Variants in TTN observed in about 807,000 individuals in gnomAD.
TTN encodes the protein titin.
In TTN, 1,525 loss-of-function variants were observed where a neutral mutation model predicts 3,223.0. The ratio of observed to expected loss-of-function variants is 0.47; its 90% CI spans 0.45 to 0.49. The LOEUF (loss-of-function observed/expected upper bound fraction) is 0.49, where lower values mean the gene tolerates loss of function less well. Among genes scored for constraint, TTN ranks in the 20% least tolerant of loss-of-function variants. TTN has a pLI of 0.00. For missense variants in TTN, 40,786 were observed against 43,424.0 expected (o/e 0.94, Z 5.40); for synonymous variants, 14,094 against 15,161.0 (o/e 0.93, Z 5.17).
chr2:178,568,460 G>T lies in TTN; in HGVS notation c.77672C>A (p.Pro25891His), dbSNP rs766099071. 4 of 1,613,316 alleles carry T rather than the reference G, an allele frequency of 2.5e-6. No individual in the cohort carries two copies. Among genetic ancestry groups the T allele is most frequent in the Non-Finnish European group, 3.4e-6 (4 of 1,179,566 alleles). The change falls in exon 326 of 363, where the codon CCT (proline) becomes CAT (histidine). Residue 25891 changes from proline (P) to histidine (H), a missense_variant. Physicochemically the swap from Pro to His is moderately conservative, Grantham distance 77 (BLOSUM62 -2). Coordinates refer to ENST00000589042, the MANE Select transcript of TTN (RefSeq NM_001267550.2). The stretch of plus-strand genomic sequence containing the variant: ...TTTAACAGGTCCTTTTGGAGGATCA[G>T]GTTTATCTAGAGTTACAATTTCGAT... ...ASIEIVTLDK[P>H]DPPKGPVKFD...
rs2063103513 is a variant in TTN, at chr2:178,652,111, T to C, written c.39280A>G (p.Ser13094Gly). ...VPEAIPPKPE[S>G]PPPEVFEEPE... is the part of the protein sequence containing the mutation. ...TCATTATTACCTTCAGGGGGAGGAC[T>C]TTCCGGTTTGGGAGGAATAGCTTCA... The change falls in exon 204 of 363, where the codon AGT becomes GGT. Residue 13094 changes from serine (S) to glycine (G), a missense_variant. Transcript: ENST00000589042. 6.2e-7 allele frequency: 1 copy of C among 1,612,860 alleles called. No homozygotes were observed. Among genetic ancestry groups the C allele is most frequent in the African/African-American group, 1.3e-5 (1 of 74,872 alleles).
chr2:178,578,526 G>A (rs569626182), intron 321 of TTN, 85 bp downstream of exon 321: 70 of 1,020,594 alleles, frequency 6.9e-5, no homozygotes, highest in East Asian at 4.4e-4. Context: ...TAATGTTATC[G>A]ATAAGCACAT....
rs1447802224 is a variant in TTN at position 178,609,791 on chromosome 2, C to A, written c.51632G>T (p.Gly17211Val). ...LVPILTYTAKGLEEGKEYQFR... is the reference protein window; with the variant it reads ...LVPILTYTAKVLEEGKEYQFR... ...TTGGTACTCTTTCCCCTCTTCAAGT[C>A]CTTTTGCTGTATAGGTCAGGATTGG... Residue 17211 changes from glycine (G) to valine (V), a missense_variant, in exon 272 of 363, where the codon GGA becomes GTA. Physicochemically the swap from Gly to Val is moderately radical, Grantham distance 109. Transcript: ENST00000589042. 7 of 1,612,770 alleles carry A rather than the reference C, an allele frequency of 4.3e-6. No individual in the cohort carries two copies. The highest frequency in any genetic ancestry group is 2.2e-5 in the East Asian group (1 of 44,812).
At chr2:178,587,029 T>C in intron 307 of TTN, 89 bp downstream of exon 307, 3 of 1,527,208 alleles carry the variant, frequency 2.0e-6, no homozygotes, top group Non-Finnish European at 2.7e-6. Flanking sequence ...TGAAATCTCT[T>C]TCAGAAGTGG....
At chr2:178,782,691 C>A in intron 18 of TTN, 89 bp from the exon 19 acceptor site, 1 of 1,604,150 alleles carries the variant, frequency 6.2e-7, no homozygotes, top group South Asian at 1.1e-5. Context: ...ATAATCTCCC[C>A]CCAAGTTCCA....
At chr2:178,759,830 T>G (rs1308490663) in intron 43 of TTN, among the ~76,000 whole-genome samples, 1 of 152,228 alleles carries the variant, frequency 6.6e-6, no homozygotes, top group Non-Finnish European at 1.5e-5. Flanking sequence ...TTGACTCTTT[T>G]CAGAGTGGCA....
rs562939601 is a variant in TTN at position 178,713,294 on chromosome 2, C to T, written c.26840G>A (p.Cys8947Tyr). 6 of 1,601,642 alleles carry T rather than the reference C, an allele frequency of 3.7e-6. No homozygotes were observed. Among genetic ancestry groups the T allele is most frequent in the East Asian group, 2.2e-5 (1 of 44,466 alleles). The change falls in exon 93 of 363, where the codon TGT becomes TAT. Residue 8947 changes from cysteine to tyrosine, a missense_variant. By Grantham distance (194) the Cys-to-Tyr change is radical. Coordinates refer to ENST00000589042, the MANE Select transcript of TTN (RefSeq NM_001267550.2). The part of the protein sequence containing the change: ...GLSGSSVVME[C>Y]KVYGSPPISV... ...GATTGGAGGTGACCCATAGACTTTA[C>T]ACTCCATTACAACTGAGGAGCCGGA...
intron 208 of TTN, 116 bp from the exon 209 acceptor site, chr2:178,650,950 C>A: frequency 9.1e-7 from 1 of 1,102,624 alleles, no homozygotes; most frequent in East Asian, 2.6e-5. Context: ...GAACAAATTT[C>A]ACAATAAGGT....
At position 178,581,735 on chromosome 2, in the gene TTN, C is replaced by A; in HGVS notation, c.66533G>T (p.Gly22178Val). ...TTRSSVSLSW[G>V]KPAYDGGSPI... Reference sequence around the variant, plus strand: ...GCTGCCGCCGTCATAGGCTGGCTTGCCCCAAGATAGACTCACAGAGCTGCG... The same window carrying A: ...GCTGCCGCCGTCATAGGCTGGCTTGACCCAAGATAGACTCACAGAGCTGCG... The change falls in exon 316 of 363, where the codon GGC becomes GTC. Residue 22178 changes from glycine (G) to valine (V), a missense_variant. Transcript: ENST00000589042. 1 of 1,608,772 alleles carries A rather than the reference C, an allele frequency of 6.2e-7. No homozygotes were observed. The highest frequency in any genetic ancestry group is 8.5e-7 in the Non-Finnish European group (1 of 1,177,414).
In TTN at chr2:178,633,486, C is replaced by A. The variant is rs370216450; in HGVS notation, c.42873G>T (p.Ala14291=). The part of the protein sequence containing the change: ...GLRRILKIKK[A]DLKDKGEYVC... ...CATATTCGCCTTTATCTTTAAGGTC[C>A]GCCTTTTTGATTTTTAAGATGCGGC... Residue 14291 remains alanine (A), a synonymous_variant, in exon 232 of 363, where the codon GCG becomes GCT. Coordinates refer to ENST00000589042, the MANE Select transcript of TTN (RefSeq NM_001267550.2). 1.5e-5 allele frequency: 24 copies of A among 1,613,194 alleles called. No individual in the cohort carries two copies. Among genetic ancestry groups the A allele is most frequent in the Non-Finnish European group, 1.9e-5 (23 of 1,179,588 alleles).
At chr2:178,632,050 T>C in intron 236 of TTN, 97 bp downstream of exon 236, 1 of 1,320,148 alleles carries the variant, frequency 7.6e-7, no homozygotes, top group Non-Finnish European at 9.9e-7. Context: ...GCTGCTTTCA[T>C]GCAATATAAC....
chr2:178,682,146 A>C (rs1159360604), intron 135 of TTN, among the ~76,000 whole-genome samples: 1 of 152,024 alleles, frequency 6.6e-6, no homozygotes, highest in Non-Finnish European at 1.5e-5. Flanking sequence ...AAAATAAACA[A>C]TTTGAAGCCC....
rs757497247 is a variant in TTN, at chr2:178,553,653, G to A, written c.89352C>T (p.Val29784=). 1.2e-6 allele frequency: 2 copies of A among 1,613,872 alleles called. No homozygotes were observed. Among genetic ancestry groups the A allele is most frequent in the Non-Finnish European group, 1.7e-6 (2 of 1,179,820 alleles). The part of the protein sequence containing the change: ...RQGEEEEWTT[V]STKGEVRTTE... ...TAGTTCTGACCTCTCCTTTGGTAGA[G>A]ACAGTAGTCCATTCCTCTTCCTCTC... The change falls in exon 334 of 363, where the codon GTC becomes GTT. Residue 29784 remains valine, a synonymous_variant. Transcript: ENST00000589042.
chr2:178,558,914 G>A, intron 326 of TTN: 1 of 443,242 alleles, frequency 2.3e-6, no homozygotes, highest in Non-Finnish European at 4.0e-6. Context: ...ATAAAAAAGA[G>A]GAACAAGATG....
In TTN at chr2:178,573,318, A is replaced by C. The variant is rs1559424305; in HGVS notation, c.72814T>G (p.Cys24272Gly). The change falls in exon 326 of 363, where the codon TGC becomes GGC. Residue 24272 changes from cysteine (C) to glycine (G), a missense_variant. Transcript: ENST00000589042. ...AAATCAGTAAGAGTTTTTTTGTTGC[A>C]TTTAATCCAGCGTTGGCCAGCTTTA... ...RDKAGQRWIK[C>G]NKKTLTDLRY... is the part of the protein sequence containing the mutation. 1 of 1,567,750 alleles carries C rather than the reference A, an allele frequency of 6.4e-7. No homozygotes were observed. Among genetic ancestry groups the C allele is most frequent in the East Asian group, 2.3e-5 (1 of 44,370 alleles).
At chr2:178,665,976 C>A (rs1027189174) in intron 163 of TTN, among the ~76,000 whole-genome samples, 185 bp from the exon 164 acceptor site, 29 of 151,994 alleles carry the variant, frequency 1.9e-4, no homozygotes, top group African/African-American at 6.5e-4. Flanking sequence ...ACCTCAGGCA[C>A]TATCAGTATT....
In TTN at chr2:178,718,310, C is replaced by G. The variant is rs747821616; in HGVS notation, c.24784+12G>C. 8.1e-6 allele frequency: 13 copies of G among 1,607,354 alleles called. No homozygotes were observed. Among genetic ancestry groups the G allele is most frequent in the Non-Finnish European group, 1.1e-5 (13 of 1,175,892 alleles). On this transcript the variant is annotated intron_variant, in intron 85 of 362. Transcript: ENST00000589042. ...GAAAGAGAGCAATAAAAAGAGGTAG[C>G]TGTCAACACACCTAAGACAGACACC...
intron 241 of TTN, 70 bp from the exon 242 acceptor site, chr2:178,624,801 T>A (rs1576602574): frequency 1.3e-6 from 2 of 1,561,010 alleles, no homozygotes; most frequent in East Asian, 4.5e-5. Flanking sequence ...CTTCTCAACT[T>A]TCCCCTGCCA....
intron 134 of TTN, 125 bp from the exon 135 acceptor site, chr2:178,683,028 G>A (rs936957956): frequency 1.1e-5 from 12 of 1,088,318 alleles, no homozygotes; most frequent in Admixed American, 2.4e-5. Context: ...GGGAGACCCT[G>A]ACTGTTCTTT....
Sources: allele counts gnomAD v4.1 joint callset (sites outside exome capture counted in the v4.1 genomes callset), GRCh38; gene constraint gnomAD v4.1.1; transcripts MANE v1.5; gene names NCBI Gene and HGNC (gene_info 2026-07-23, HGNC 2026-07-21).